The following JUP variants were observed in gnomAD, a reference collection of about 807,000 sequenced individuals.
JUP encodes junction plakoglobin.
A neutral mutation model predicts 71.1 loss-of-function variants in JUP; 28 were observed. That is an observed-to-expected ratio of 0.39 (90% CI 0.29 to 0.54). The LOEUF is 0.54. Among genes scored for constraint, JUP ranks in the 20% least tolerant of loss-of-function variants. The probability of loss-of-function intolerance (pLI) is 0.62; values close to 1 mark genes in which losing one functional copy is unlikely to be tolerated. For synonymous variants in JUP, 401 were observed against 438.9 expected, an observed-to-expected ratio of 0.91 and a Z score of 1.08; for missense variants, 869 against 1,030.1, an observed-to-expected ratio of 0.84 and a Z score of 2.14.
chr17:41,778,103 C>T lies in JUP; in HGVS notation c.-8-6241G>A, dbSNP rs542073458. 3.2e-3 allele frequency among the ~76,000 whole-genome samples: 485 copies of T among 152,302 alleles called. 2 individuals are homozygous for T. Among genetic ancestry groups the T allele is most frequent in the African/African-American group, 0.011 (460 of 41,556 alleles). On this transcript the variant is annotated intron_variant, in intron 1 of 13. Transcript: ENST00000393931. ...GCTTGGGCAGCCTGGGGTCCAGGGG[C>T]GGCCCACTTCTCAATAACAGCAGCT...
intron 1 of JUP, among the ~76,000 whole-genome samples, chr17:41,777,538 G>A (rs1555609105): frequency 6.6e-6 from 1 of 152,244 alleles, no homozygotes; most frequent in African/African-American, 2.4e-5. Flanking sequence ...ACCTCCTGCA[G>A]ACTACAGGTT....
At chr17:41,776,022 G>C in intron 1 of JUP, 2 of 984,444 alleles carry the variant, frequency 2.0e-6, no homozygotes, top group Non-Finnish European at 2.4e-6. Context: ...AGGACAGTCA[G>C]CAATGGGCAC....
In JUP at chr17:41,755,593, G is replaced by T; in HGVS notation, c.*151C>A. The T allele has an allele frequency of 2.8e-6, 2 of 721,530 alleles. No individual in the cohort carries two copies. The highest frequency in any genetic ancestry group is 4.3e-6 in the Non-Finnish European group (2 of 467,168). 44.7% of individuals were successfully genotyped at this position (721,530 alleles called of 1,614,324 possible). On this transcript the variant is annotated 3_prime_UTR_variant, in exon 14 of 14. Transcript: ENST00000393931. Reference sequence around the variant, plus strand: ...AGACACAAGAAGAAGGCAGGCCAGGGCACACCGTGCTTGGGGAAGCTCAGC... The same window carrying T: ...AGACACAAGAAGAAGGCAGGCCAGGTCACACCGTGCTTGGGGAAGCTCAGC...
rs377612199 is a variant in JUP at position 41,767,542 on chromosome 17, G to A, written c.746C>T (p.Thr249Met). The A allele has an allele frequency of 1.9e-5, 30 of 1,613,136 alleles. No individual in the cohort carries two copies. Among genetic ancestry groups the A allele is most frequent in the African/African-American group, 6.7e-5 (5 of 74,850 alleles). The stretch of plus-strand genomic sequence containing the variant: ...CTGGTACAGGAGCAGGTTGTGCAGC[G>A]TGGTGATGGCATAGAACAGGACCGA... ...VESVLFYAITTLHNLLLYQEG... is the reference protein window; with the variant it reads ...VESVLFYAITMLHNLLLYQEG... The change falls in exon 5 of 14, where the codon ACG becomes ATG. Residue 249 changes from threonine (T) to methionine (M), a missense_variant. Coordinates refer to ENST00000393931, the MANE Select transcript of JUP (RefSeq NM_002230.4).
chr17:41,772,333 G>A, intron 1 of JUP: 1 of 278,790 alleles, frequency 3.6e-6, no homozygotes, highest in South Asian at 3.9e-5. Context: ...AAGCCATTGG[G>A]CAGGAAACTG....
At position 41,768,981 on chromosome 17, in the gene JUP, A is replaced by T; in HGVS notation, c.695T>A (p.Val232Asp). Reference protein sequence around the residue: ...IFKSGGIPALVRMLSSPVESV... With the variant: ...IFKSGGIPALDRMLSSPVESV... ...CAGGGTTGGGTACCTGAGCATGCGG[A>T]CCAGAGCAGGGATGCCACCCGACTT... The change falls in exon 4 of 14, where the codon GTC becomes GAC. Residue 232 changes from valine (V) to aspartate (D), a missense_variant. Transcript: ENST00000393931. The T allele has an allele frequency of 6.2e-7, 1 of 1,606,208 alleles. No individual in the cohort carries two copies. The highest frequency in any genetic ancestry group is 8.5e-7 in the Non-Finnish European group (1 of 1,176,892).
chr17:41,775,876 C>G, intron 1 of JUP: 2 of 648,712 alleles, frequency 3.1e-6, no homozygotes, highest in Non-Finnish European at 3.8e-6. Context: ...GCCTCCTCCT[C>G]TGCGCAGCCA....
At chr17:41,773,329 C>T (rs938973197) in intron 1 of JUP, among the ~76,000 whole-genome samples, 2 of 152,176 alleles carry the variant, frequency 1.3e-5, no homozygotes, top group Admixed American at 6.5e-5. Context: ...AGGAGGATGA[C>T]GAATGGTCCT....
chr17:41,766,385 A>AAT (rs1915717762), intron 5 of JUP, among the ~76,000 whole-genome samples: 1 of 152,146 alleles, frequency 6.6e-6, no homozygotes, highest in South Asian at 2.1e-4. Context: ...TCATTATTAG[A>AAT]GGGTGGTTTT....
intron 1 of JUP, among the ~76,000 whole-genome samples, chr17:41,783,283 G>C (rs927117904): frequency 2.6e-5 from 3 of 117,194 alleles, no homozygotes; most frequent in South Asian, 6.2e-4. Flanking sequence ...ATAATGATAC[G>C]CGTTTTTTTT....
chr17:41,755,972 G>A, intron 13 of JUP, 77 bp from the exon 14 acceptor site: 1 of 1,536,276 alleles, frequency 6.5e-7, no homozygotes, highest in East Asian at 2.3e-5. Flanking sequence ...GCCTTCAGCT[G>A]CCTCCTCTAC....
chr17:41,781,455 GTGGTCCA>G (rs2143882125), intron 1 of JUP, among the ~76,000 whole-genome samples: 1 of 152,334 alleles, frequency 6.6e-6, no homozygotes, highest in East Asian at 1.9e-4. Context: ...GCAAAGGAGA[GTGGTCCA>G]TGAGCTTGCC....
chr17:41,769,514 C>G lies in JUP; in HGVS notation c.372G>C (p.Lys124Asn). Residue 124 changes from lysine (K) to asparagine (N), a missense_variant, in exon 3 of 14, where the codon AAG becomes AAC. By Grantham distance (94) the Lys-to-Asn change is moderately conservative. Coordinates refer to ENST00000393931, the MANE Select transcript of JUP (RefSeq NM_002230.4). ...AGTTGATGAGATGCACAATGGCCGA[C>G]TTGAGCAGCTGGGACGGCTCGGCCA... is the stretch of plus-strand genomic sequence containing the variant. ...QRLAEPSQLL[K>N]SAIVHLINYQ... 6.2e-7 allele frequency: 1 copy of G among 1,612,710 alleles called. No individual in the cohort carries two copies. Among genetic ancestry groups the G allele is most frequent in the Non-Finnish European group, 8.5e-7 (1 of 1,179,586 alleles).
intron 1 of JUP, among the ~76,000 whole-genome samples, chr17:41,783,441 C>T (rs1199000819): frequency 6.6e-6 from 1 of 151,786 alleles, no homozygotes; most frequent in African/African-American, 2.4e-5. Context: ...GCATGCACCA[C>T]CACGCCCGGC....
chr17:41,775,621 G>A (rs536266671), intron 1 of JUP, among the ~76,000 whole-genome samples: 4 of 152,316 alleles, frequency 2.6e-5, no homozygotes, highest in East Asian at 1.9e-4. Context: ...AGCCAGAGAC[G>A]GGCAGGGACA....
chr17:41,756,364 C>T lies in JUP; in HGVS notation c.2047-150G>A. ...CCTGTAATCCCAGCACTCTGGGAGA[C>T]AGCAGGCGGATCACTTGAGGTCAGG... On this transcript the variant is annotated intron_variant, in intron 12 of 13. Transcript: ENST00000393931. 10 of 752,890 alleles carry T rather than the reference C, an allele frequency of 1.3e-5. No homozygotes were observed. The South Asian group carries it at 1.6e-4, about 12-fold the overall frequency. 46.6% of individuals were successfully genotyped at this position (752,890 alleles called of 1,614,324 possible).
At position 41,755,836 on chromosome 17, in the gene JUP, T is replaced by A; in HGVS notation, c.2146A>T (p.Met716Leu). The A allele has an allele frequency of 6.2e-7, 1 of 1,613,316 alleles. No individual in the cohort carries two copies. The highest frequency in any genetic ancestry group is 8.5e-7 in the Non-Finnish European group (1 of 1,179,742). Reference sequence around the variant, plus strand: ...TAGTCTCCATCCATGTCCATGTGCATCTCCAGCGGGTCAAGGGGCACATCG... The same window carrying A: ...TAGTCTCCATCCATGTCCATGTGCAACTCCAGCGGGTCAAGGGGCACATCG... The part of the protein sequence containing the change: ...SSDVPLDPLE[M>L]HMDMDGDYPI... The change falls in exon 14 of 14, where the codon ATG (methionine) becomes TTG (leucine). Residue 716 changes from methionine (M) to leucine (L), a missense_variant. Met to Leu is a conservative substitution (Grantham distance 15). Transcript: ENST00000393931.
intron 1 of JUP, among the ~76,000 whole-genome samples, chr17:41,782,472 C>T (rs2143896983): frequency 6.6e-6 from 1 of 152,266 alleles, no homozygotes; most frequent in Admixed American, 6.5e-5. Flanking sequence ...AGCCCCAGCC[C>T]CCAGCAAAGC....
At chr17:41,780,170 G>A (rs1412559917) in intron 1 of JUP, among the ~76,000 whole-genome samples, 2 of 151,390 alleles carry the variant, frequency 1.3e-5, no homozygotes, top group African/African-American at 2.4e-5. Flanking sequence ...GCTGAGATGG[G>A]ACAAATGCTT....
Sources: gnomAD v4.1 joint callset for allele counts (sites outside exome capture counted in the v4.1 genomes callset) on GRCh38, gnomAD v4.1.1 for gene constraint, MANE v1.5 for transcripts, NCBI Gene and HGNC (gene_info 2026-07-23, HGNC 2026-07-21) for gene names.